The following ASXL3 variants were observed in gnomAD, a reference collection of about 807,000 sequenced individuals.
ASXL3 encodes the protein ASXL transcriptional regulator 3, also known as putative Polycomb group protein ASXL3.
A neutral mutation model predicts 170.6 loss-of-function variants in ASXL3; 34 were observed. That is an observed-to-expected ratio of 0.20 (90% confidence interval 0.15 to 0.27). The LOEUF is 0.27. Among genes scored for constraint, ASXL3 ranks in the 10% least tolerant of loss-of-function variants. The pLI, the probability that ASXL3 is intolerant of heterozygous loss-of-function variation, is 1.00. For synonymous variants in ASXL3, 1,002 were observed against 989.1 expected (o/e 1.01, Z -0.24); for missense variants, 2,592 against 2,695.3 (o/e 0.96, Z 0.85).
intron 11 of ASXL3, among the ~76,000 whole-genome samples, chr18:33,740,852 T>G (rs969387199): frequency 6.8e-6 from 1 of 147,170 alleles, no homozygotes; most frequent in Non-Finnish European, 1.5e-5. Flanking sequence ...AAGTTTCTGC[T>G]CTCTGTCACT....
intron 1 of ASXL3, among the ~76,000 whole-genome samples, chr18:33,597,083 A>G (rs1599378803): frequency 6.6e-6 from 1 of 152,090 alleles, no homozygotes; most frequent in African/African-American, 2.4e-5. Flanking sequence ...CCAGTGTGCT[A>G]GGATTACAGA....
At chr18:33,626,476 T>A (rs2065605587) in intron 2 of ASXL3, 1 of 151,880 alleles carries the variant, frequency 6.6e-6, no homozygotes, top group Non-Finnish European at 1.5e-5. Context: ...CAAATAGACC[T>A]TCAGGGGTTA....
Position 33,619,194 on chromosome 18 carries a change from G to A in ASXL3, c.137+11518G>A, listed in dbSNP as rs116669185. ...GAAAATGATAAACCTGGGATTTGAT[G>A]TCTGACTTAGAGCCAATTGTTCTTA... is the stretch of plus-strand genomic sequence containing the variant. On this transcript the variant is annotated intron_variant, in intron 2 of 11. Coordinates refer to ENST00000269197, the MANE Select transcript of ASXL3 (RefSeq NM_030632.3). 7.1e-3 allele frequency among the ~76,000 whole-genome samples: 1,080 copies of A among 152,208 alleles called. 14 individuals are homozygous for A. The highest frequency in any genetic ancestry group is 0.025 in the African/African-American group (1,032 of 41,538).
At chr18:33,642,240 T>C (rs574549610) in intron 2 of ASXL3, among the ~76,000 whole-genome samples, 1 of 152,130 alleles carries the variant, frequency 6.6e-6, no homozygotes, top group South Asian at 2.1e-4. Flanking sequence ...CTAAGTTTTC[T>C]GTAGTTTATG....
Position 33,740,041 on chromosome 18 carries a change from A to C in ASXL3, c.2637A>C (p.Ser879=). ...LQRTEKKVLP[S]PLELSVFSEG... The stretch of plus-strand genomic sequence containing the variant: ...GAACAGAAAAAAAAGTGTTACCTTC[A>C]CCATTGGAATTATCTGTCTTTTCTG... Residue 879 remains serine, a synonymous_variant, in exon 11 of 12, where the codon TCA becomes TCC. Transcript: ENST00000269197. 6.2e-7 allele frequency: 1 copy of C among 1,613,900 alleles called. No homozygotes were observed. The highest frequency in any genetic ancestry group is 8.5e-7 in the Non-Finnish European group (1 of 1,179,864).
At chr18:33,615,301 G>A (rs2065405128) in intron 2 of ASXL3, among the ~76,000 whole-genome samples, 1 of 152,024 alleles carries the variant, frequency 6.6e-6, no homozygotes, top group Admixed American at 6.6e-5. Context: ...ACCAAACTTT[G>A]CTAGCTTCTA....
intron 4 of ASXL3, among the ~76,000 whole-genome samples, chr18:33,653,294 T>C (rs559451736): frequency 4.6e-5 from 7 of 152,028 alleles, no homozygotes; most frequent in Non-Finnish European, 7.4e-5. Flanking sequence ...TGGCAGCCAT[T>C]CCTAAGAATC....
intron 1 of ASXL3, among the ~76,000 whole-genome samples, chr18:33,602,725 C>A (rs921510296): frequency 2.6e-5 from 4 of 152,072 alleles, no homozygotes; most frequent in African/African-American, 9.7e-5. Context: ...AGCCTAATGG[C>A]CTTGAGCCAA....
intron 11 of ASXL3, among the ~76,000 whole-genome samples, chr18:33,742,113 G>T (rs1189986267): frequency 6.6e-6 from 1 of 152,200 alleles, no homozygotes; most frequent in African/African-American, 2.4e-5. Context: ...CAGAAAATCA[G>T]AGTTTCCCTT....
At chr18:33,599,270 A>C (rs2065159544) in intron 1 of ASXL3, among the ~76,000 whole-genome samples, 1 of 152,182 alleles carries the variant, frequency 6.6e-6, no homozygotes, top group South Asian at 2.1e-4. Context: ...GTTAGAGCTA[A>C]ATTTCAGCCA....
chr18:33,702,587 C>G (rs1043227286), intron 8 of ASXL3, among the ~76,000 whole-genome samples: 6 of 152,218 alleles, frequency 3.9e-5, no homozygotes, highest in Non-Finnish European at 7.4e-5. Context: ...TCCTCAGAGA[C>G]AGAGAGTATT....
chr18:33,692,513 T>G (rs1169339628), intron 8 of ASXL3, among the ~76,000 whole-genome samples: 1 of 152,138 alleles, frequency 6.6e-6, no homozygotes, highest in Non-Finnish European at 1.5e-5. Flanking sequence ...GGGCTCAAAG[T>G]CCTCCTCACA....
At chr18:33,595,789 G>C (rs959320417) in intron 1 of ASXL3, among the ~76,000 whole-genome samples, 1 of 152,160 alleles carries the variant, frequency 6.6e-6, no homozygotes, top group South Asian at 2.1e-4. Context: ...GTACATCCTG[G>C]AGAAGATTAA....
chr18:33,618,399 C>T (rs1289259562), intron 2 of ASXL3, among the ~76,000 whole-genome samples: 6 of 151,952 alleles, frequency 3.9e-5, no homozygotes, highest in Non-Finnish European at 8.8e-5. Flanking sequence ...GTTCTTAGTA[C>T]TCAGGTATAT....
intron 8 of ASXL3, among the ~76,000 whole-genome samples, chr18:33,727,363 C>T (rs968195778): frequency 1.3e-5 from 2 of 152,096 alleles, no homozygotes; most frequent in Non-Finnish European, 2.9e-5. Flanking sequence ...AACATTCATT[C>T]TTCTTCAAAC....
Position 33,661,131 on chromosome 18 carries a change from T to G in ASXL3, c.356-485T>G, listed in dbSNP as rs146256547. On this transcript the variant is annotated intron_variant, in intron 4 of 11. Coordinates refer to ENST00000269197, the MANE Select transcript of ASXL3 (RefSeq NM_030632.3). The stretch of plus-strand genomic sequence containing the variant: ...TTATGACTCAGCCCATAAGAGAAAA[T>G]AAACATGTCCCATAGGTCACAGATT... Among the ~76,000 whole-genome samples, 119 of 152,278 alleles carry G rather than the reference T, an allele frequency of 7.8e-4. 1 individual carries two copies. In the East Asian group the frequency reaches 0.021, roughly 27 times the overall value.
chr18:33,672,439 G>A (rs2066358807), intron 7 of ASXL3, among the ~76,000 whole-genome samples: 1 of 152,104 alleles, frequency 6.6e-6, no homozygotes, highest in Non-Finnish European at 1.5e-5. Context: ...CTTCTTTCCT[G>A]ATAACTTTTC....
chr18:33,635,438 C>A (rs543821964), intron 2 of ASXL3, among the ~76,000 whole-genome samples: 6 of 152,318 alleles, frequency 3.9e-5, no homozygotes, highest in South Asian at 4.1e-4. Context: ...TTAGCTTTAT[C>A]CCCTGCAGGC....
intron 8 of ASXL3, among the ~76,000 whole-genome samples, chr18:33,720,832 T>C (rs948579876): frequency 6.6e-6 from 1 of 152,158 alleles, no homozygotes; most frequent in African/African-American, 2.4e-5. Context: ...TTTTGGAATT[T>C]GAAAATGGAT....
Sources: allele counts gnomAD v4.1 joint callset (sites outside exome capture counted in the v4.1 genomes callset), GRCh38; gene constraint gnomAD v4.1.1; transcripts MANE v1.5; gene names NCBI Gene and HGNC (gene_info 2026-07-23, HGNC 2026-07-21).